KHDRBS2: variants seen among roughly 807,000 people sequenced by gnomAD.
The protein encoded by KHDRBS2 is KH RNA binding domain containing, signal transduction associated 2, also known as KH domain-containing, RNA-binding, signal transduction-associated protein 2.
KHDRBS2 carries 26 observed loss-of-function variants against 44.3 expected under a neutral mutation model. That is an observed-to-expected ratio of 0.59 (90% confidence interval 0.43 to 0.81). KHDRBS2 has a LOEUF of 0.81. KHDRBS2 is among the 40% of genes least tolerant of loss of function. The pLI, the probability that KHDRBS2 is intolerant of heterozygous loss-of-function variation, is 0.00. For synonymous variants in KHDRBS2, 194 were observed against 151.1 expected (o/e 1.28, Z -2.08); for missense variants, 476 against 433.1 (o/e 1.10, Z -0.88).
intron 3 of KHDRBS2, among the ~76,000 whole-genome samples, chr6:62,019,859 T>G (rs531452717): frequency 4.5e-4 from 69 of 152,040 alleles, no homozygotes; most frequent in Admixed American, 6.6e-4. Flanking sequence ...TTTATCAATT[T>G]TGTTGATTTT....
At chr6:61,655,730 C>T in the KHDRBS2 span, among the ~76,000 whole-genome samples, 1 of 151,998 alleles carries the variant, frequency 6.6e-6, no homozygotes, top group South Asian at 2.1e-4. Context: ...TGTTAATATC[C>T]TATTTTATAA....
At chr6:61,800,940 T>G (rs1786155688) in intron 6 of KHDRBS2, among the ~76,000 whole-genome samples, 1 of 152,118 alleles carries the variant, frequency 6.6e-6, no homozygotes, top group Admixed American at 6.6e-5. Context: ...CTAGATGCTG[T>G]GTTGCCATAG....
At chr6:62,093,374 T>G (rs543865562) in intron 2 of KHDRBS2, among the ~76,000 whole-genome samples, 1 of 152,040 alleles carries the variant, frequency 6.6e-6, no homozygotes, top group Admixed American at 6.6e-5. Flanking sequence ...ATAATAATTA[T>G]ACATATTTGT....
At chr6:61,848,562 T>TTTATATATATAC (rs1562295281) in intron 6 of KHDRBS2, among the ~76,000 whole-genome samples, 2 of 31,590 alleles carry the variant, frequency 6.3e-5, no homozygotes, top group South Asian at 1.3e-3. Context: ...CATATATATA[T>TTTATATATATAC]GTATATATAT....
At chr6:62,221,551 G>A (rs1830897178) in intron 1 of KHDRBS2, among the ~76,000 whole-genome samples, 1 of 151,932 alleles carries the variant, frequency 6.6e-6, no homozygotes, top group Non-Finnish European at 1.5e-5. Flanking sequence ...ACATGTATCT[G>A]ATAACACCAA....
At chr6:61,659,818 C>T in the KHDRBS2 span, among the ~76,000 whole-genome samples, 1 of 151,600 alleles carries the variant, frequency 6.6e-6, no homozygotes, top group African/African-American at 2.4e-5. Context: ...AAAGTCAGAC[C>T]TTCGTCTGGA....
At chr6:61,938,746 T>C (rs988448609) in intron 4 of KHDRBS2, among the ~76,000 whole-genome samples, 11 of 152,110 alleles carry the variant, frequency 7.2e-5, no homozygotes, top group Non-Finnish European at 7.4e-5. Flanking sequence ...CACAAAAGGT[T>C]TGGTGTCTCT....
chr6:62,122,490 T>C (rs1807898336), intron 2 of KHDRBS2, among the ~76,000 whole-genome samples: 1 of 152,128 alleles, frequency 6.6e-6, no homozygotes, highest in African/African-American at 2.4e-5. Flanking sequence ...GTGGTAAATA[T>C]GTGATTGGGC....
intron 2 of KHDRBS2, 27 bp from the exon 3 acceptor site, chr6:62,048,021 T>A: frequency 8.4e-7 from 1 of 1,194,788 alleles, no homozygotes; most frequent in Non-Finnish European, 1.3e-6. Flanking sequence ...ATAGAATGTC[T>A]GTTTTAAGGT....
intron 6 of KHDRBS2, among the ~76,000 whole-genome samples, chr6:61,876,878 A>G (rs574192879): frequency 2.0e-5 from 3 of 152,138 alleles, no homozygotes; most frequent in Non-Finnish European, 4.4e-5. Context: ...TCTTTTTGCC[A>G]TCATTGCCGA....
chr6:61,855,706 C>A (rs1796058953), intron 6 of KHDRBS2, among the ~76,000 whole-genome samples: 1 of 151,680 alleles, frequency 6.6e-6, no homozygotes, highest in Non-Finnish European at 1.5e-5. Flanking sequence ...TAGACATAAC[C>A]CAGAGGTTCC....
the KHDRBS2 span, among the ~76,000 whole-genome samples, chr6:61,548,929 C>T: frequency 5.9e-5 from 9 of 152,130 alleles, no homozygotes; most frequent in East Asian, 1.9e-4. Context: ...TAAATAGTTA[C>T]GTCAGTTTGG....
intron 1 of KHDRBS2, among the ~76,000 whole-genome samples, chr6:62,224,009 T>C (rs1186698970): frequency 1.3e-5 from 2 of 152,194 alleles, no homozygotes; most frequent in Non-Finnish European, 2.9e-5. Context: ...TTTTTGGGTA[T>C]ATTTTCAGCA....
intron 2 of KHDRBS2, among the ~76,000 whole-genome samples, chr6:62,081,525 T>C (rs1176803597): frequency 1.3e-5 from 2 of 152,146 alleles, no homozygotes; most frequent in Non-Finnish European, 2.9e-5. Flanking sequence ...CTGAAGTTGC[T>C]TAAATGGAAT....
At chr6:61,887,990 A>G (rs944739093) in intron 6 of KHDRBS2, among the ~76,000 whole-genome samples, 1 of 152,176 alleles carries the variant, frequency 6.6e-6, no homozygotes, top group Non-Finnish European at 1.5e-5. Flanking sequence ...ATGAAAATAT[A>G]ATACAAGACA....
the KHDRBS2 span, among the ~76,000 whole-genome samples, chr6:61,609,547 T>C: frequency 6.6e-6 from 1 of 152,240 alleles, no homozygotes; most frequent in Non-Finnish European, 1.5e-5. Flanking sequence ...TTAACATTTT[T>C]ACATTATGTA....
chr6:61,844,767 A>G (rs1265373269), intron 6 of KHDRBS2, among the ~76,000 whole-genome samples: 1 of 152,110 alleles, frequency 6.6e-6, no homozygotes, highest in Admixed American at 6.6e-5. Flanking sequence ...TTCTGAAATC[A>G]TGTAAAGCTA....
At chr6:61,893,450 G>A (rs908142558) in intron 6 of KHDRBS2, among the ~76,000 whole-genome samples, 7 of 152,152 alleles carry the variant, frequency 4.6e-5, no homozygotes, top group Non-Finnish European at 1.0e-4. Context: ...ACATGCACAC[G>A]TATGTTTATT....
intron 1 of KHDRBS2, among the ~76,000 whole-genome samples, chr6:62,249,136 A>G (rs530754314): frequency 3.9e-5 from 6 of 152,224 alleles, no homozygotes; most frequent in African/African-American, 1.2e-4. Flanking sequence ...TTCTATATAA[A>G]TTCTTTGAAG....
Sources: gnomAD v4.1 joint callset for allele counts (sites outside exome capture counted in the v4.1 genomes callset) on GRCh38, gnomAD v4.1.1 for gene constraint, MANE v1.5 for transcripts, NCBI Gene and HGNC (gene_info 2026-07-23, HGNC 2026-07-21) for gene names.